Variants in KIF13A observed in about 807,000 individuals in gnomAD.
KIF13A encodes kinesin-like protein KIF13A.
A neutral mutation model predicts 212.2 loss-of-function variants in KIF13A; 79 were observed. That is an observed-to-expected ratio of 0.37 (90% CI 0.31 to 0.45). The LOEUF (loss-of-function observed/expected upper bound fraction) is 0.45. Ranked by LOEUF, KIF13A falls within the 20% of genes least tolerant of loss-of-function variation. The probability of loss-of-function intolerance (pLI) is 1.00; values close to 1 mark genes in which losing one functional copy is unlikely to be tolerated. For missense variants in KIF13A, 1,901 were observed against 2,209.0 expected, an observed-to-expected ratio of 0.86 and a Z score of 2.79; for synonymous variants, 789 against 808.6, an observed-to-expected ratio of 0.98 and a Z score of 0.41.
intron 4 of KIF13A, among the ~76,000 whole-genome samples, chr6:17,859,167 T>C (rs958312196): frequency 1.3e-5 from 2 of 152,156 alleles, no homozygotes; most frequent in Non-Finnish European, 2.9e-5. Context: ...AACTAAAGAT[T>C]GTTAGTTGGA....
chr6:17,986,285 A>C (rs1387779916), intron 2 of KIF13A, among the ~76,000 whole-genome samples: 3 of 152,250 alleles, frequency 2.0e-5, no homozygotes, highest in Non-Finnish European at 4.4e-5. Context: ...GCTTACTAGA[A>C]AAATGCCAAA....
At chr6:17,800,262 C>T (rs1762371036) in intron 20 of KIF13A, 149 bp from the exon 21 acceptor site, 2 of 710,062 alleles carry the variant, frequency 2.8e-6, no homozygotes, top group Admixed American at 3.0e-5. Context: ...CTGCTACTAC[C>T]AGAGCAGTCC....
At chr6:17,795,802 T>C (rs1454929560) in intron 23 of KIF13A, among the ~76,000 whole-genome samples, 1 of 152,200 alleles carries the variant, frequency 6.6e-6, no homozygotes, top group Non-Finnish European at 1.5e-5. Context: ...CTTTTAATTT[T>C]GATTAAGTCC....
chr6:17,853,030 G>C (rs1381262845), intron 6 of KIF13A, among the ~76,000 whole-genome samples: 1 of 152,056 alleles, frequency 6.6e-6, no homozygotes, highest in Non-Finnish European at 1.5e-5. Flanking sequence ...ATCTTTTTCA[G>C]GGCATCACAT....
chr6:17,805,475 C>T lies in KIF13A; in HGVS notation c.2304G>A (p.Glu768=). The T allele has an allele frequency of 6.2e-7, 1 of 1,612,320 alleles. No individual in the cohort carries two copies. The highest frequency in any genetic ancestry group is 8.5e-7 in the Non-Finnish European group (1 of 1,179,318). The change falls in exon 19 of 39, where the codon GAG becomes GAA. Residue 768 remains glutamate (E), a splice_region_variant and synonymous_variant. Coordinates refer to ENST00000259711, the MANE Select transcript of KIF13A (RefSeq NM_022113.6). The part of the protein sequence containing the change: ...LYQEWKEKVP[E]AKRLYGKRGD... ...CTCCATTACATTTTGTCTCTTTTAC[C>T]TCAGGAACTTTTTCCTTCCATTCTT... is the stretch of plus-strand genomic sequence containing the variant.
rs2150292865 is a variant in KIF13A at position 17,771,859 on chromosome 6, G to A, written c.4476+49C>T. The stretch of plus-strand genomic sequence containing the variant: ...TAATGCACACTGCTGCTTCACAGGT[G>A]ACACAACTCTGCTCTATTCTGCATA... On this transcript the variant is annotated intron_variant, in intron 37 of 38. Coordinates refer to ENST00000259711, the MANE Select transcript of KIF13A (RefSeq NM_022113.6). The surrounding 1 kb of genome is among the most constrained non-coding windows in gnomAD (Gnocchi z 5.4). 1 of 1,581,556 alleles carries A rather than the reference G, an allele frequency of 6.3e-7. No homozygotes were observed. The highest frequency in any genetic ancestry group is 8.7e-7 in the Non-Finnish European group (1 of 1,153,944).
At chr6:17,894,696 G>A (rs765848973) in intron 3 of KIF13A, among the ~76,000 whole-genome samples, 26 of 151,842 alleles carry the variant, frequency 1.7e-4, no homozygotes, top group African/African-American at 5.6e-4. Flanking sequence ...TAAACTTCAC[G>A]GTTTATATTA....
chr6:17,950,863 C>T, intron 2 of KIF13A: 1 of 983,100 alleles, frequency 1.0e-6, no homozygotes. Flanking sequence ...CACTATTGAA[C>T]ATAAATGATT....
rs76682324 is a variant in KIF13A, at chr6:17,888,699, C to T, written c.159+9469G>A. Among the ~76,000 whole-genome samples the T allele has an allele frequency of 4.4e-3, 664 of 152,112 alleles. 6 individuals are homozygous for T. Among genetic ancestry groups the T allele is most frequent in the African/African-American group, 0.015 (624 of 41,472 alleles). ...AATTAGCTGGGCGTGGTGGCACAGGCCTGTAGTCCCACCTACTTGGAAGGC... is the reference window on the plus strand; with the variant it reads ...AATTAGCTGGGCGTGGTGGCACAGGTCTGTAGTCCCACCTACTTGGAAGGC... On this transcript the variant is annotated intron_variant, in intron 3 of 38. Transcript: ENST00000259711. The surrounding 1 kb of genome is among the most constrained non-coding windows in gnomAD (Gnocchi z 4.8).
chr6:17,801,734 T>C (rs1314586506), intron 20 of KIF13A, among the ~76,000 whole-genome samples: 2 of 152,138 alleles, frequency 1.3e-5, no homozygotes, highest in African/African-American at 2.4e-5. Flanking sequence ...GAGTAGAGAA[T>C]GGGTGTGTAA....
At chr6:17,877,145 A>C (rs1007570182) in intron 3 of KIF13A, among the ~76,000 whole-genome samples, 5 of 15,448 alleles carry the variant, frequency 3.2e-4, no homozygotes, top group African/African-American at 1.4e-3. Context: ...CTCTCTTGCC[A>C]AAAAAAAAAA....
chr6:17,980,607 C>T (rs6922642), intron 2 of KIF13A, among the ~76,000 whole-genome samples: 1 of 151,682 alleles, frequency 6.6e-6, no homozygotes, highest in African/African-American at 2.4e-5. Context: ...AAAAAGATTT[C>T]GGGAAGTGGC....
In KIF13A at chr6:17,987,494, G is replaced by T; in HGVS notation, c.-31C>A. On this transcript the variant is annotated 5_prime_UTR_variant, in exon 1 of 39. Transcript: ENST00000259711. This position sits in a 1 kb window ranked among gnomAD's most constrained non-coding sequence, Gnocchi z 7.7. ...CTGCGCTCGCCCGGCCGCTCGCCGC[G>T]CCCGCTCGGCCTTAGGCGGCCCCTC... The T allele has an allele frequency of 8.1e-7, 1 of 1,231,828 alleles. No individual in the cohort carries two copies. Among genetic ancestry groups the T allele is most frequent in the Non-Finnish European group, 1.0e-6 (1 of 953,132 alleles). The allele number at this position is 1,231,828 out of a possible 1,614,324, so 76.3% of individuals were successfully genotyped here.
Position 17,794,192 on chromosome 6 carries a change from C to G in KIF13A, c.3222+57G>C. 1 of 1,388,912 alleles carries G rather than the reference C, an allele frequency of 7.2e-7. No homozygotes were observed. The highest frequency in any genetic ancestry group is 1.0e-6 in the Non-Finnish European group (1 of 998,736). The allele number at this position is 1,388,912 out of a possible 1,614,324, so 86.0% of individuals were successfully genotyped here. A position where few individuals can be genotyped will look rare whatever the true frequency, so the allele number is the denominator to read the frequency against. On this transcript the variant is annotated intron_variant, in intron 25 of 38. Coordinates refer to ENST00000259711, the MANE Select transcript of KIF13A (RefSeq NM_022113.6). This position sits in a 1 kb window ranked among gnomAD's most constrained non-coding sequence, Gnocchi z 4.1. ...CTGTTATATTGGCAAAGAGGTCCCC[C>G]TGGGACCTGCATTAACCAAGCTTTG...
intron 2 of KIF13A, chr6:17,950,407 G>A (rs1777748557): frequency 5.2e-6 from 5 of 970,046 alleles, no homozygotes; most frequent in African/African-American, 1.8e-5. Flanking sequence ...ACAGACATGT[G>A]CTTTCAGAAA....
At chr6:17,854,361 C>T (rs1463886493) in intron 6 of KIF13A, among the ~76,000 whole-genome samples, 1 of 152,056 alleles carries the variant, frequency 6.6e-6, no homozygotes, top group Non-Finnish European at 1.5e-5. Flanking sequence ...TGGTCTCGAA[C>T]TCCTGACCTC....
chr6:17,840,061 G>A lies in KIF13A; in HGVS notation c.831-2478C>T, dbSNP rs547421475. On this transcript the variant is annotated intron_variant, in intron 9 of 38. Transcript: ENST00000259711. ...GCAAATCTATAGAGATGGAGGCAGT[G>A]GTTGACTAGGGCTGTGGGTGGGGGT... is the stretch of plus-strand genomic sequence containing the variant. 4.6e-5 allele frequency among the ~76,000 whole-genome samples: 7 copies of A among 152,268 alleles called. No homozygotes were observed. In the South Asian group the frequency reaches 1.4e-3, roughly 32 times the overall value.
At chr6:17,804,860 GA>G (rs1445348034) in intron 19 of KIF13A, among the ~76,000 whole-genome samples, 1 of 140,618 alleles carries the variant, frequency 7.1e-6, no homozygotes, top group Non-Finnish European at 1.5e-5. Context: ...TAGCCCATGG[GA>G]GGGGCCTGTT....
At chr6:17,874,289 TGG>T (rs1474999655) in intron 3 of KIF13A, among the ~76,000 whole-genome samples, 1 of 54,248 alleles carries the variant, frequency 1.8e-5, no homozygotes, top group African/African-American at 1.0e-4. Context: ...TTTTGTTTTT[TGG>T]TGGTGGTGGG....
Sources: gnomAD v4.1 joint callset for allele counts (sites outside exome capture counted in the v4.1 genomes callset) on GRCh38, gnomAD v4.1.1 for gene constraint, Gnocchi (gnomAD v3.1) non-coding constraint, MANE v1.5 for transcripts, NCBI Gene and HGNC (gene_info 2026-07-23, HGNC 2026-07-21) for gene names.